Variants in EMILIN2 observed in about 807,000 individuals in gnomAD.
The protein encoded by EMILIN2 is elastin microfibril interfacer 2.
In EMILIN2, 71 loss-of-function variants were observed where a neutral mutation model predicts 87.1. That is an observed-to-expected ratio of 0.82 (90% confidence interval 0.67 to 0.99). The LOEUF (loss-of-function observed/expected upper bound fraction) is 0.99. Ranked by LOEUF, EMILIN2 falls within the 50% of genes least tolerant of loss-of-function variation. The pLI is 0.00. For synonymous variants in EMILIN2, 581 were observed against 563.4 expected (o/e 1.03, Z -0.44); for missense variants, 1,407 against 1,371.8 (o/e 1.03, Z -0.40).
intron 2 of EMILIN2, among the ~76,000 whole-genome samples, chr18:2,876,752 T>C (rs187596962): frequency 3.3e-4 from 50 of 152,118 alleles, no homozygotes; most frequent in Admixed American, 5.2e-4. Flanking sequence ...GGAGACAGAG[T>C]GAGACTCTGT....
chr18:2,847,442 C>T lies in EMILIN2; in HGVS notation c.134+120C>T. On this transcript the variant is annotated intron_variant, in intron 1 of 7. Transcript: ENST00000254528. The surrounding 1 kb of genome is among the most constrained non-coding windows in gnomAD (Gnocchi z 4.5). Reference sequence around the variant, plus strand: ...AGCCGGGGGCCTCCCTTGGACTTCCCCGGGCGGCTCCCTCTGCGGGGGACC... The same window carrying T: ...AGCCGGGGGCCTCCCTTGGACTTCCTCGGGCGGCTCCCTCTGCGGGGGACC... 1 of 1,124,066 alleles carries T rather than the reference C, an allele frequency of 8.9e-7. No individual in the cohort carries two copies. The highest frequency in any genetic ancestry group is 1.1e-6 in the Non-Finnish European group (1 of 886,376). The allele number at this position is 1,124,066 out of a possible 1,614,324, so 69.6% of individuals were successfully genotyped here. A position where few individuals can be genotyped will look rare whatever the true frequency, so the allele number is the denominator to read the frequency against.
At position 2,888,529 on chromosome 18, in the gene EMILIN2, C is replaced by T. The variant is rs372747887; in HGVS notation, c.434-2032C>T. 2.8e-4 allele frequency among the ~76,000 whole-genome samples: 43 copies of T among 152,054 alleles called. No individual in the cohort carries two copies. In the East Asian group the frequency reaches 3.5e-3, roughly 12 times the overall value. On this transcript the variant is annotated intron_variant, in intron 3 of 7. Coordinates refer to ENST00000254528, the MANE Select transcript of EMILIN2 (RefSeq NM_032048.3). ...AGGAGATGGAGACCATCCTGGCTAA[C>T]ACAGTGAAACCCCATCTCTACCAAA...
Position 2,876,622 on chromosome 18 carries a change from C to T in EMILIN2, c.258-8342C>T, listed in dbSNP as rs540732874. ...TCTACTAAAAATACAAAAAATTAGC[C>T]GGGTGTGGTGGCGGGCGCCTGTAGT... On this transcript the variant is annotated intron_variant, in intron 2 of 7. Transcript: ENST00000254528. 8.1e-3 allele frequency among the ~76,000 whole-genome samples: 1,041 copies of T among 128,270 alleles called. 11 individuals carry two copies. The highest frequency in any genetic ancestry group is 0.028 in the African/African-American group (998 of 35,064). The allele number at this position is 128,270 out of a possible 152,430, so 84.2% of individuals were successfully genotyped here.
At position 2,912,534 on chromosome 18, in the gene EMILIN2, G is replaced by T. The variant is rs1317877689; in HGVS notation, c.2825-533G>T. Among the ~76,000 whole-genome samples the T allele has an allele frequency of 5.3e-5, 8 of 152,302 alleles. No homozygotes were observed. In the East Asian group the frequency reaches 1.4e-3, roughly 26 times the overall value. ...TGCTTAGCGAATTGTGACATGTACA[G>T]ATCTTTCCACCTTCCTCACCTTTGG... On this transcript the variant is annotated intron_variant, in intron 7 of 7. Coordinates refer to ENST00000254528, the MANE Select transcript of EMILIN2 (RefSeq NM_032048.3).
At chr18:2,870,247 T>C (rs1186418156) in intron 2 of EMILIN2, among the ~76,000 whole-genome samples, 1 of 152,100 alleles carries the variant, frequency 6.6e-6, no homozygotes, top group Admixed American at 6.6e-5. Context: ...AAGAAATAAG[T>C]AAATAAAAAT....
chr18:2,913,380 A>G lies in EMILIN2; in HGVS notation c.3138A>G (p.Leu1046=). ...ACTCCACATTTAGTGGGGTTTTCTT[A>G]TATCCTTTCCTTTCCCACCTCTAAG... ...EMYSTFSGVF[L]YPFLSHL The change falls in exon 8 of 8, where the codon TTA becomes TTG. Residue 1046 remains leucine (L), a synonymous_variant. Transcript: ENST00000254528. The G allele has an allele frequency of 6.2e-7, 1 of 1,606,122 alleles. No homozygotes were observed. The highest frequency in any genetic ancestry group is 1.1e-5 in the South Asian group (1 of 89,798).
intron 2 of EMILIN2, among the ~76,000 whole-genome samples, chr18:2,868,955 GTTTTT>G (rs11332432): frequency 6.8e-6 from 1 of 146,108 alleles, no homozygotes; most frequent in Non-Finnish European, 1.5e-5. Context: ...TTTGAAGGGA[GTTTTT>G]TTTTTTTTTA....
At position 2,908,955 on chromosome 18, in the gene EMILIN2, C is replaced by T. The variant is rs778326661; in HGVS notation, c.2675C>T (p.Ser892Leu). ...TTCTGTTTTTCAGGATACCCGAAGT[C>T]ACCTCCTGTAGCTTCCCCAGGTATG... ...GFAGAPGYPK[S>L]PPVASPGAPV... is the part of the protein sequence containing the mutation. Residue 892 changes from serine (S) to leucine (L), a missense_variant, in exon 6 of 8, where the codon TCA becomes TTA. Transcript: ENST00000254528. 2.5e-6 allele frequency: 4 copies of T among 1,613,424 alleles called. No individual in the cohort carries two copies. Among genetic ancestry groups the T allele is most frequent in the Admixed American group, 3.3e-5 (2 of 60,008 alleles).
chr18:2,861,030 G>A (rs1450356846), intron 2 of EMILIN2, among the ~76,000 whole-genome samples: 1 of 152,308 alleles, frequency 6.6e-6, no homozygotes, highest in East Asian at 1.9e-4. Context: ...CTGCATAAAT[G>A]TCTTCTTTTG....
At position 2,903,080 on chromosome 18, in the gene EMILIN2, C is replaced by T. The variant is rs138397758; in HGVS notation, c.2360-3703C>T. On this transcript the variant is annotated intron_variant, in intron 4 of 7. Coordinates refer to ENST00000254528, the MANE Select transcript of EMILIN2 (RefSeq NM_032048.3). ...CCTGAGTTTTAGATAGAGAGACATACGCTTGGGCTAAAAGGAAGAAACTAG... is the reference window on the plus strand; with the variant it reads ...CCTGAGTTTTAGATAGAGAGACATATGCTTGGGCTAAAAGGAAGAAACTAG... 4.3e-4 allele frequency among the ~76,000 whole-genome samples: 65 copies of T among 151,810 alleles called. No individual in the cohort carries two copies. The East Asian group carries it at 0.011, about 26-fold the overall frequency.
At chr18:2,873,876 T>TA (rs1363023649) in intron 2 of EMILIN2, among the ~76,000 whole-genome samples, 2 of 152,124 alleles carry the variant, frequency 1.3e-5, no homozygotes, top group East Asian at 3.9e-4. Flanking sequence ...TCCCAAGGCT[T>TA]AGTGTCCTGC....
Position 2,891,141 on chromosome 18 carries a change from T to G in EMILIN2, c.1014T>G (p.Ala338=), listed in dbSNP as rs2076834209. ...TGGAGGGCATGGACAGAAAGCTGGCTGACCTGAAAAACTCATGTGAGTACA... is the reference window on the plus strand; with the variant it reads ...TGGAGGGCATGGACAGAAAGCTGGCGGACCTGAAAAACTCATGTGAGTACA... ...ELMEGMDRKL[A]DLKNSCEYKL... Residue 338 remains alanine (A), a synonymous_variant, in exon 4 of 8, where the codon GCT becomes GCG. Coordinates refer to ENST00000254528, the MANE Select transcript of EMILIN2 (RefSeq NM_032048.3). The surrounding 1 kb of genome is among the most constrained non-coding windows in gnomAD (Gnocchi z 4.6). 5.6e-6 allele frequency: 9 copies of G among 1,614,208 alleles called. No homozygotes were observed. The highest frequency in any genetic ancestry group is 7.6e-6 in the Non-Finnish European group (9 of 1,180,040).
intron 7 of EMILIN2, among the ~76,000 whole-genome samples, chr18:2,912,817 A>G (rs1025470090): frequency 1.3e-5 from 2 of 152,130 alleles, no homozygotes; most frequent in African/African-American, 4.8e-5. Context: ...GGTGCTTCCA[A>G]TAAGGAATGC....
chr18:2,846,771 G>C, upstream of EMILIN2: 1 of 985,416 alleles, frequency 1.0e-6, no homozygotes, highest in Non-Finnish European at 1.2e-6. The surrounding 1 kb of genome is among the most constrained non-coding windows in gnomAD (Gnocchi z 5.3). Context: ...CTCGGCATCT[G>C]GGAAGAGACC....
rs925397020 is a variant in EMILIN2, at chr18:2,890,203, T to C, written c.434-358T>C. 2.0e-5 allele frequency among the ~76,000 whole-genome samples: 3 copies of C among 152,224 alleles called. No homozygotes were observed. The highest frequency in any genetic ancestry group is 2.9e-5 in the Non-Finnish European group (2 of 68,050). ...AGTGTTCATATGATAAAGCGGATAA[T>C]GAATATTTCCCCTCAGGGTGAAAGA... On this transcript the variant is annotated intron_variant, in intron 3 of 7. Transcript: ENST00000254528. This position sits in a 1 kb window ranked among gnomAD's most constrained non-coding sequence, Gnocchi z 4.7.
rs200539179 is a variant in EMILIN2, at chr18:2,891,212, A to C, written c.1085A>C (p.Tyr362Ser). The C allele has an allele frequency of 6.2e-7, 1 of 1,614,204 alleles. No homozygotes were observed. Among genetic ancestry groups the C allele is most frequent in the Admixed American group, 1.7e-5 (1 of 60,020 alleles). ...QQQCDDYGSS[Y>S]LGVIELIGEK... is the part of the protein sequence containing the mutation. ...CAGTGTGATGACTATGGGAGCAGCT[A>C]CCTGGGAGTGATAGAGCTCATAGGG... The change falls in exon 4 of 8, where the codon TAC (tyrosine) becomes TCC (serine). Residue 362 changes from tyrosine (Y) to serine (S), a missense_variant. Tyr to Ser is a moderately radical substitution (Grantham distance 144, BLOSUM62 -2). Coordinates refer to ENST00000254528, the MANE Select transcript of EMILIN2 (RefSeq NM_032048.3). This position sits in a 1 kb window ranked among gnomAD's most constrained non-coding sequence, Gnocchi z 4.6.
chr18:2,867,238 C>T (rs945576412), intron 2 of EMILIN2, among the ~76,000 whole-genome samples: 1 of 152,008 alleles, frequency 6.6e-6, no homozygotes, highest in African/African-American at 2.4e-5. Flanking sequence ...TTCTCTCTTT[C>T]TCTGTCTTGT....
At position 2,904,655 on chromosome 18, in the gene EMILIN2, A is replaced by C. The variant is rs76361013; in HGVS notation, c.2360-2128A>C. 8.4e-3 allele frequency among the ~76,000 whole-genome samples: 1,276 copies of C among 152,166 alleles called. 17 individuals are homozygous for C. Among genetic ancestry groups the C allele is most frequent in the African/African-American group, 0.029 (1,191 of 41,514 alleles). Reference sequence around the variant, plus strand: ...TTGCATCTTGGATGCAGTATCTTCTACTTCTCTGAGGGTAGGATGTGTTTA... The same window carrying C: ...TTGCATCTTGGATGCAGTATCTTCTCCTTCTCTGAGGGTAGGATGTGTTTA... On this transcript the variant is annotated intron_variant, in intron 4 of 7. Coordinates refer to ENST00000254528, the MANE Select transcript of EMILIN2 (RefSeq NM_032048.3).
At chr18:2,846,952 G>A, upstream of EMILIN2, 1 of 998,688 alleles carries the variant, frequency 1.0e-6, no homozygotes, top group Non-Finnish European at 1.2e-6. This position sits in a 1 kb window ranked among gnomAD's most constrained non-coding sequence, Gnocchi z 5.3. Flanking sequence ...GGCACCCGGG[G>A]GGACCTGTGC....
Sources: gnomAD v4.1 joint callset for allele counts (sites outside exome capture counted in the v4.1 genomes callset) on GRCh38, gnomAD v4.1.1 for gene constraint, Gnocchi (gnomAD v3.1) non-coding constraint, MANE v1.5 for transcripts, NCBI Gene and HGNC (gene_info 2026-07-23, HGNC 2026-07-21) for gene names.